Variants in FAM136A observed in about 807,000 individuals in gnomAD.
FAM136A encodes TIM double twin CX3C motif chaperone, also known as TIM double twin CX3C motif protein.
A neutral mutation model predicts 21.6 loss-of-function variants in FAM136A; 25 were observed. The observed-to-expected ratio is 1.16, with a 90% CI of 0.84 to 1.62. FAM136A has a LOEUF of 1.62. FAM136A is among the 40% of genes most tolerant of loss of function. The pLI is 0.00. For missense variants in FAM136A, 338 were observed against 332.0 expected (o/e 1.02, Z -0.14); for synonymous variants, 119 against 129.4 (o/e 0.92, Z 0.55).
In FAM136A at chr2:70,301,643, G is replaced by T. The variant is rs899299816; in HGVS notation, c.369C>A (p.Leu123=). ...GCGTAAGAGGGGAAGGTGGTGGGGCGAGCGCCTGCCACCAGGGGCTTCCCA... is the reference window on the plus strand; with the variant it reads ...GCGTAAGAGGGGAAGGTGGTGGGGCTAGCGCCTGCCACCAGGGGCTTCCCA... The part of the protein sequence containing the change: ...RQVGSPWWQA[L]APPPSPLTRP... Residue 123 remains leucine, a synonymous_variant, in exon 1 of 3, where the codon CTC becomes CTA. Coordinates refer to ENST00000430566, the MANE Select transcript of FAM136A (RefSeq NM_001329752.2). The T allele has an allele frequency of 2.4e-5, 37 of 1,535,502 alleles. No individual in the cohort carries two copies. Among genetic ancestry groups the T allele is most frequent in the South Asian group, 4.8e-5 (4 of 84,020 alleles).
At position 70,301,954 on chromosome 2, in the gene FAM136A, G is replaced by A; in HGVS notation, c.58C>T (p.Leu20=). The change falls in exon 1 of 3, where the codon CTG becomes TTG. Residue 20 remains leucine (L), a synonymous_variant. Transcript: ENST00000430566. The stretch of plus-strand genomic sequence containing the variant: ...ATCTTCCGGATGTTCTCTCTTTCCA[G>A]ACTCTTCACCATGGACTCCACCGCC... ...QEAVESMVKS[L]ERENIRKMQV... is the part of the protein sequence containing the mutation. 6.2e-7 allele frequency: 1 copy of A among 1,609,106 alleles called. No homozygotes were observed. The highest frequency in any genetic ancestry group is 8.5e-7 in the Non-Finnish European group (1 of 1,178,852).
At position 70,301,625 on chromosome 2, in the gene FAM136A, A is replaced by G. The variant is rs926541596; in HGVS notation, c.387T>C (p.Pro129=). ...TCACCTGCGGAAGGGGCCGCGTAAGAGGGGAAGGTGGTGGGGCGAGCGCCT... is the reference window on the plus strand; with the variant it reads ...TCACCTGCGGAAGGGGCCGCGTAAGGGGGGAAGGTGGTGGGGCGAGCGCCT... The part of the protein sequence containing the change: ...WWQALAPPPS[P]LTRPLPQGLM... Residue 129 remains proline, a synonymous_variant, in exon 1 of 3, where the codon CCT becomes CCC. Coordinates refer to ENST00000430566, the MANE Select transcript of FAM136A (RefSeq NM_001329752.2). The G allele has an allele frequency of 2.0e-6, 3 of 1,535,862 alleles. No homozygotes were observed. Among genetic ancestry groups the G allele is most frequent in the Admixed American group, 2.0e-5 (1 of 50,996 alleles).
At position 70,296,350 on chromosome 2, in the gene FAM136A, T is replaced by C. The variant is rs1335138793; in HGVS notation, c.*939A>G. Reference sequence around the variant, plus strand: ...GCTAGGTGTAGGCTTTCATTCCATATGTTCTAATAAAACCAGGTTTTCCCA... The same window carrying C: ...GCTAGGTGTAGGCTTTCATTCCATACGTTCTAATAAAACCAGGTTTTCCCA... On this transcript the variant is annotated 3_prime_UTR_variant, in exon 3 of 3. Coordinates refer to ENST00000430566, the MANE Select transcript of FAM136A (RefSeq NM_001329752.2). The C allele has an allele frequency of 6.5e-6, 1 of 153,426 alleles. No homozygotes were observed. Among genetic ancestry groups the C allele is most frequent in the Non-Finnish European group, 1.5e-5 (1 of 68,682 alleles). The allele number at this position is 153,426 out of a possible 1,614,324, so 9.5% of individuals were successfully genotyped here. A position where few individuals can be genotyped will look rare whatever the true frequency, so the allele number is the denominator to read the frequency against.
chr2:70,298,819 C>G (rs957714462), intron 2 of FAM136A, among the ~76,000 whole-genome samples: 1 of 152,136 alleles, frequency 6.6e-6, no homozygotes, highest in Non-Finnish European at 1.5e-5. Context: ...AGTGAGATGT[C>G]CTGGTGACCA....
intron 2 of FAM136A, 144 bp from the exon 3 acceptor site, chr2:70,297,621 G>GTTT (rs55803921): frequency 0.022 from 5,581 of 248,764 alleles, 85 homozygotes; most frequent in African/African-American, 0.043. Flanking sequence ...GATTGGCCAA[G>GTTT]TTTTTTTTTT....
intron 1 of FAM136A, chr2:70,301,344 T>C: frequency 6.8e-7 from 1 of 1,469,046 alleles, no homozygotes; most frequent in Non-Finnish European, 9.0e-7. Context: ...CAATACAAAT[T>C]CCACCAGAGG....
At position 70,296,416 on chromosome 2, in the gene FAM136A, A is replaced by G. The variant is rs1457601532; in HGVS notation, c.*873T>C. 6.6e-6 allele frequency: 1 copy of G among 152,240 alleles called. No individual in the cohort carries two copies. Among genetic ancestry groups the G allele is most frequent in the African/African-American group, 2.4e-5 (1 of 41,466 alleles). The allele number at this position is 152,240 out of a possible 1,614,324, so 9.4% of individuals were successfully genotyped here. A position where few individuals can be genotyped will look rare whatever the true frequency, so the allele number is the denominator to read the frequency against. Reference sequence around the variant, plus strand: ...TTACTCTGTTGTAATCAAGTAGCCAACTGCTCCTCTTTTACTGTTCATTCC... The same window carrying G: ...TTACTCTGTTGTAATCAAGTAGCCAGCTGCTCCTCTTTTACTGTTCATTCC... On this transcript the variant is annotated 3_prime_UTR_variant, in exon 3 of 3. Transcript: ENST00000430566.
chr2:70,301,503 C>A, intron 1 of FAM136A, 101 bp downstream of exon 1: 1 of 1,535,818 alleles, frequency 6.5e-7, no homozygotes, highest in Non-Finnish European at 8.7e-7. Flanking sequence ...AGGTTGGGCG[C>A]AAGAGAAGCA....
rs1423641724 is a variant in FAM136A, at chr2:70,296,598, GCA to G, written c.*689_*690del. ...GTGTGTCATCACCTCTCATGTTTCT[GCA>G]CAGTCTCCAGGCTGAAAGATGCAGC... On this transcript the variant is annotated 3_prime_UTR_variant, in exon 3 of 3. Coordinates refer to ENST00000430566, the MANE Select transcript of FAM136A (RefSeq NM_001329752.2). 5.3e-5 allele frequency: 8 copies of G among 152,304 alleles called. No homozygotes were observed. The highest frequency in any genetic ancestry group is 1.3e-4 in the Admixed American group (2 of 15,298). The allele number at this position is 152,304 out of a possible 1,614,324, so 9.4% of individuals were successfully genotyped here. A position where few individuals can be genotyped will look rare whatever the true frequency, so the allele number is the denominator to read the frequency against.
Position 70,301,880 on chromosome 2 carries a change from C to A in FAM136A, c.132G>T (p.Trp44Cys). 6.4e-7 allele frequency: 1 copy of A among 1,573,232 alleles called. No homozygotes were observed. Among genetic ancestry groups the A allele is most frequent in the Non-Finnish European group, 8.6e-7 (1 of 1,159,818 alleles). The stretch of plus-strand genomic sequence containing the variant: ...GGTGGCTGAGGGAAGGGCCCGGAAC[C>A]CACCCGCTGAGAAGGGGGTCCTGGT... The part of the protein sequence containing the change: ...GPNQDPLLSG[W>C]VPGPSLSHHA... Residue 44 changes from tryptophan (W) to cysteine (C), a missense_variant, in exon 1 of 3, where the codon TGG becomes TGT. Coordinates refer to ENST00000430566, the MANE Select transcript of FAM136A (RefSeq NM_001329752.2).
chr2:70,301,513 A>T, intron 1 of FAM136A, 91 bp downstream of exon 1: 1 of 1,535,966 alleles, frequency 6.5e-7, no homozygotes. Context: ...CAAGAGAAGC[A>T]GGCATGACCT....
chr2:70,300,086 G>C (rs544387130), intron 2 of FAM136A, among the ~76,000 whole-genome samples: 4 of 151,778 alleles, frequency 2.6e-5, no homozygotes, highest in African/African-American at 9.7e-5. Flanking sequence ...ATTTTTAGTA[G>C]AGATGGGGTT....
chr2:70,300,790 G>T, intron 2 of FAM136A, 50 bp downstream of exon 2: 1 of 1,515,042 alleles, frequency 6.6e-7, no homozygotes, highest in East Asian at 2.3e-5. Context: ...GTCATCTCCT[G>T]CAAAAGTCTG....
chr2:70,298,641 A>T (rs1039880068), intron 2 of FAM136A, among the ~76,000 whole-genome samples: 2 of 152,230 alleles, frequency 1.3e-5, no homozygotes, highest in Non-Finnish European at 2.9e-5. Context: ...TAAATGCAGG[A>T]GCTGTCAGCA....
intron 1 of FAM136A, 112 bp from the exon 2 acceptor site, chr2:70,301,092 C>T: frequency 7.8e-7 from 1 of 1,274,588 alleles, no homozygotes; most frequent in Non-Finnish European, 1.1e-6. Flanking sequence ...CTCTCTCCAC[C>T]TTCTGCTTTC....
At chr2:70,301,496 T>G (rs1486263498) in intron 1 of FAM136A, 108 bp downstream of exon 1, 1 of 1,535,408 alleles carries the variant, frequency 6.5e-7, no homozygotes, top group Admixed American at 2.0e-5. Context: ...TGAAGCGAGG[T>G]TGGGCGCAAG....
In FAM136A at chr2:70,301,588, G is replaced by A. The variant is rs1378258073; in HGVS notation, c.408+16C>T. On this transcript the variant is annotated intron_variant, in intron 1 of 2. Coordinates refer to ENST00000430566, the MANE Select transcript of FAM136A (RefSeq NM_001329752.2). ...TTCACGTTGGCAGCGCCTCTGCTGGGCCTCGGGCCGCTCACCTGCGGAAGG... is the reference window on the plus strand; with the variant it reads ...TTCACGTTGGCAGCGCCTCTGCTGGACCTCGGGCCGCTCACCTGCGGAAGG... 5 of 1,535,842 alleles carry A rather than the reference G, an allele frequency of 3.3e-6. No individual in the cohort carries two copies. The highest frequency in any genetic ancestry group is 3.9e-5 in the Admixed American group (2 of 50,974).
At chr2:70,298,161 C>T (rs1055858712) in intron 2 of FAM136A, among the ~76,000 whole-genome samples, 3 of 151,762 alleles carry the variant, frequency 2.0e-5, no homozygotes, top group Admixed American at 1.3e-4. Flanking sequence ...GGCACAATCT[C>T]GGCTCACCAC....
intron 1 of FAM136A, 53 bp downstream of exon 1, chr2:70,301,551 C>T: frequency 1.3e-6 from 2 of 1,536,006 alleles, no homozygotes; most frequent in African/African-American, 2.7e-5. Flanking sequence ...GAAGTCCTCG[C>T]CTTTCTGGTC....
Sources: allele counts gnomAD v4.1 joint callset (sites outside exome capture counted in the v4.1 genomes callset), GRCh38; gene constraint gnomAD v4.1.1; transcripts MANE v1.5; gene names NCBI Gene and HGNC (gene_info 2026-07-23, HGNC 2026-07-21).